The following COL22A1 variants were observed in gnomAD, a reference collection of about 807,000 sequenced individuals.
COL22A1 encodes the protein collagen type XXII alpha 1 chain.
COL22A1 carries 221 observed loss-of-function variants against 248.9 expected under a neutral mutation model. The observed-to-expected ratio is 0.89, with a 90% confidence interval of 0.80 to 0.99. COL22A1 has a LOEUF of 0.99. Among genes scored for constraint, COL22A1 ranks in the 50% least tolerant of loss-of-function variants. The pLI is 0.00. For synonymous variants in COL22A1, 891 were observed against 793.4 expected, an observed-to-expected ratio of 1.12 and a Z score of -2.07; for missense variants, 2,240 against 2,179.0, an observed-to-expected ratio of 1.03 and a Z score of -0.56.
Position 138,630,754 on chromosome 8 carries a change from A to G in COL22A1, c.3610-6T>C. The G allele has an allele frequency of 6.2e-7, 1 of 1,613,754 alleles. No individual in the cohort carries two copies. The highest frequency in any genetic ancestry group is 8.5e-7 in the Non-Finnish European group (1 of 1,179,744). On this transcript the variant is annotated splice_polypyrimidine_tract_variant and splice_region_variant and intron_variant, in intron 49 of 64. Transcript: ENST00000303045. ...CCTGCAATTCCATCTGCCCCCTAAAAAAGACAAGGCAGAAAGCTAGTTTCT... is the reference window on the plus strand; with the variant it reads ...CCTGCAATTCCATCTGCCCCCTAAAGAAGACAAGGCAGAAAGCTAGTTTCT...
rs1340256383 is a variant in COL22A1 at position 138,591,407 on chromosome 8, T to G, written c.4693+17A>C. ...GTAGCTCACACCCTACCCCTGAGAC[T>G]GCAGAATGAGTCATACCTGGGATTC... On this transcript the variant is annotated intron_variant, in intron 64 of 64. Coordinates refer to ENST00000303045, the MANE Select transcript of COL22A1 (RefSeq NM_152888.3). 1 of 1,565,872 alleles carries G rather than the reference T, an allele frequency of 6.4e-7. No individual in the cohort carries two copies. Among genetic ancestry groups the G allele is most frequent in the Non-Finnish European group, 8.7e-7 (1 of 1,155,176 alleles).
intron 30 of COL22A1, among the ~76,000 whole-genome samples, chr8:138,704,026 G>A (rs569541830): frequency 6.6e-6 from 1 of 152,334 alleles, no homozygotes; most frequent in East Asian, 1.9e-4. Context: ...CTCACTCACT[G>A]CTAGCGCAGC....
intron 30 of COL22A1, among the ~76,000 whole-genome samples, chr8:138,711,476 T>C (rs1181208709): frequency 2.0e-5 from 3 of 152,230 alleles, no homozygotes; most frequent in Non-Finnish European, 4.4e-5. Flanking sequence ...TCCGTCCAAG[T>C]AATCAAAGGG....
intron 12 of COL22A1, among the ~76,000 whole-genome samples, chr8:138,786,581 C>T (rs1024955194): frequency 2.0e-5 from 3 of 152,198 alleles, no homozygotes; most frequent in Admixed American, 1.3e-4. Context: ...CCCAGCTGGA[C>T]TCATCATCAG....
At chr8:138,698,924 T>G (rs1285349575) in intron 32 of COL22A1, among the ~76,000 whole-genome samples, 1 of 152,246 alleles carries the variant, frequency 6.6e-6, no homozygotes, top group Admixed American at 6.5e-5. Flanking sequence ...AATATCCTGT[T>G]ATTTGCATTT....
At position 138,752,555 on chromosome 8, in the gene COL22A1, C is replaced by T. The variant is rs759572325; in HGVS notation, c.2032-1044G>A. Among the ~76,000 whole-genome samples, 167 of 152,104 alleles carry T rather than the reference C, an allele frequency of 1.1e-3. 1 individual carries two copies. Among genetic ancestry groups the T allele is most frequent in the Non-Finnish European group, 4.4e-4 (30 of 68,000 alleles). ...CTCAGGACACACAGAAAGAGAAGGC[C>T]CTAAAGGCATGAGATTTTTAAGCGT... On this transcript the variant is annotated intron_variant, in intron 21 of 64. Transcript: ENST00000303045.
chr8:138,684,559 T>A lies in COL22A1; in HGVS notation c.2968-90A>T, dbSNP rs1163931265. On this transcript the variant is annotated intron_variant, in intron 38 of 64. Coordinates refer to ENST00000303045, the MANE Select transcript of COL22A1 (RefSeq NM_152888.3). ...GTGCCAGGCTGACTGCATCCTCTGC[T>A]GGGGACCCAGAGATGGGTGAGACTC... 6.6e-6 allele frequency: 6 copies of A among 910,804 alleles called. No individual in the cohort carries two copies. The African/African-American group carries it at 9.8e-5, about 15-fold the overall frequency. 56.4% of individuals were successfully genotyped at this position (910,804 alleles called of 1,614,324 possible).
chr8:138,825,274 C>G (rs776622547), intron 6 of COL22A1, among the ~76,000 whole-genome samples: 1 of 152,174 alleles, frequency 6.6e-6, no homozygotes, highest in African/African-American at 2.4e-5. Context: ...GTCTCAATGT[C>G]TCTGCATCTC....
intron 45 of COL22A1, among the ~76,000 whole-genome samples, chr8:138,650,745 T>C (rs548680886): frequency 6.6e-6 from 1 of 152,202 alleles, no homozygotes; most frequent in South Asian, 2.1e-4. Flanking sequence ...CAGATACATA[T>C]AGATAGATAA....
intron 1 of COL22A1, among the ~76,000 whole-genome samples, 163 bp downstream of exon 1, chr8:138,913,456 G>A (rs1389524044): frequency 6.6e-6 from 1 of 152,138 alleles, no homozygotes; most frequent in Non-Finnish European, 1.5e-5. Flanking sequence ...AGAGCGAAGT[G>A]TGCTCAGGCT....
At position 138,823,043 on chromosome 8, in the gene COL22A1, G is replaced by A. The variant is rs981964612; in HGVS notation, c.970-1632C>T. ...CGTCAAAAATGTGGGCCCAGTGGGG[G>A]CTGTCTCTTGCTAGCCTACATCTAA... On this transcript the variant is annotated intron_variant, in intron 6 of 64. Coordinates refer to ENST00000303045, the MANE Select transcript of COL22A1 (RefSeq NM_152888.3). 5.2e-4 allele frequency among the ~76,000 whole-genome samples: 79 copies of A among 152,188 alleles called. 1 individual carries two copies. Among genetic ancestry groups the A allele is most frequent in the Non-Finnish European group, 1.8e-4 (12 of 68,038 alleles).
rs566477795 is a variant in COL22A1, at chr8:138,674,274, T to C, written c.3150+2284A>G. On this transcript the variant is annotated intron_variant, in intron 41 of 64. Transcript: ENST00000303045. ...ATATGACACAGGACTTCTCAGCAAA[T>C]GGCAATGTTCCTGTAACGAGGCAAC... Among the ~76,000 whole-genome samples, 5 of 152,212 alleles carry C rather than the reference T, an allele frequency of 3.3e-5. No homozygotes were observed. The South Asian group carries it at 1.0e-3, about 32-fold the overall frequency.
intron 3 of COL22A1, among the ~76,000 whole-genome samples, chr8:138,855,638 C>T (rs1023765298): frequency 1.3e-5 from 2 of 152,318 alleles, no homozygotes; most frequent in South Asian, 2.1e-4. Flanking sequence ...CCCCCAGGAA[C>T]AAGGAGCTTC....
intron 10 of COL22A1, among the ~76,000 whole-genome samples, chr8:138,804,694 G>C (rs1817312693): frequency 6.6e-6 from 1 of 152,138 alleles, no homozygotes; most frequent in Admixed American, 6.5e-5. Flanking sequence ...TGAGGGGGCA[G>C]CGGGTGTGTG....
At chr8:138,685,422 T>C in intron 37 of COL22A1, 110 bp from the exon 38 acceptor site, 1 of 808,760 alleles carries the variant, frequency 1.2e-6, no homozygotes. Flanking sequence ...GCCTTTATGA[T>C]TTTAGAAGGC....
chr8:138,828,556 A>C (rs1189184323), intron 5 of COL22A1, among the ~76,000 whole-genome samples: 1 of 152,174 alleles, frequency 6.6e-6, no homozygotes, highest in Non-Finnish European at 1.5e-5. Flanking sequence ...AGAGTCTAAG[A>C]TTTAATAAAA....
chr8:138,896,972 C>CAA lies in COL22A1; in HGVS notation c.-72-13730_-72-13729dup, dbSNP rs35004780. 1.0e-3 allele frequency among the ~76,000 whole-genome samples: 149 copies of CAA among 148,490 alleles called. 1 individual carries two copies. The highest frequency in any genetic ancestry group is 4.8e-3 in the East Asian group (24 of 5,050). On this transcript the variant is annotated intron_variant, in intron 1 of 64. Transcript: ENST00000303045. ...TGGGTGACAGAGAGAGACTCTTTCT[C>CAA]AAAAAAAAAAATCCATTCAGGCCCC...
At chr8:138,674,669 G>T (rs893727481) in intron 41 of COL22A1, among the ~76,000 whole-genome samples, 4 of 152,174 alleles carry the variant, frequency 2.6e-5, no homozygotes, top group African/African-American at 9.7e-5. Context: ...CCAGCTTTCT[G>T]TAAGGGCTGA....
intron 12 of COL22A1, among the ~76,000 whole-genome samples, chr8:138,793,441 A>T (rs1296186860): frequency 6.6e-6 from 1 of 152,202 alleles, no homozygotes; most frequent in African/African-American, 2.4e-5. Flanking sequence ...TTTATGCATC[A>T]TCTCATCCCA....
Sources: allele counts gnomAD v4.1 joint callset (sites outside exome capture counted in the v4.1 genomes callset), GRCh38; gene constraint gnomAD v4.1.1; transcripts MANE v1.5; gene names NCBI Gene and HGNC (gene_info 2026-07-23, HGNC 2026-07-21).